Variants in ITGB6 observed in about 807,000 individuals in gnomAD.
The protein encoded by ITGB6 is integrin beta-6.
ITGB6 carries 80 observed loss-of-function variants against 84.5 expected under a neutral mutation model. The ratio of observed to expected loss-of-function variants is 0.95; its 90% CI spans 0.79 to 1.14. ITGB6 has a LOEUF of 1.14. ITGB6 is among the 50% of genes most tolerant of loss of function. ITGB6 has a pLI of 0.00. For synonymous variants in ITGB6, 383 were observed against 354.9 expected (o/e 1.08, Z -0.89); for missense variants, 1,006 against 968.0 (o/e 1.04, Z -0.52).
intron 7 of ITGB6, among the ~76,000 whole-genome samples, chr2:160,153,247 C>G (rs994308617): frequency 6.6e-6 from 1 of 152,166 alleles, no homozygotes; most frequent in South Asian, 2.1e-4. Flanking sequence ...GAGATATAGA[C>G]CAATGGAACT....
At chr2:160,113,731 A>T (rs1340124232) in intron 12 of ITGB6, among the ~76,000 whole-genome samples, 1 of 152,228 alleles carries the variant, frequency 6.6e-6, no homozygotes, top group Non-Finnish European at 1.5e-5. Flanking sequence ...AAGTATTTTT[A>T]AAAAGGAGAT....
At chr2:160,108,023 T>C (rs546325626) in intron 13 of ITGB6, among the ~76,000 whole-genome samples, 178 bp from the exon 14 acceptor site, 4 of 152,200 alleles carry the variant, frequency 2.6e-5, no homozygotes, top group African/African-American at 9.6e-5. Flanking sequence ...CCTGCATTCC[T>C]CAAAGTAGAA....
At position 160,123,780 on chromosome 2, in the gene ITGB6, A is replaced by G; in HGVS notation, c.1981+11T>C. On this transcript the variant is annotated intron_variant, in intron 12 of 14. Transcript: ENST00000283249. ...ATAAGGAAATGAAAAACAATTTAAG[A>G]CAAGCAGAACCTTCTTCTTCACTGA... 1 of 1,605,854 alleles carries G rather than the reference A, an allele frequency of 6.2e-7. No homozygotes were observed. The highest frequency in any genetic ancestry group is 8.5e-7 in the Non-Finnish European group (1 of 1,172,692).
intron 14 of ITGB6, among the ~76,000 whole-genome samples, chr2:160,104,615 G>A (rs547909996): frequency 2.0e-5 from 3 of 152,212 alleles, no homozygotes; most frequent in Admixed American, 6.5e-5. Flanking sequence ...CTTAATGATC[G>A]CCCAACTGCC....
chr2:160,162,497 G>A (rs1465165857), intron 7 of ITGB6, among the ~76,000 whole-genome samples: 1 of 152,008 alleles, frequency 6.6e-6, no homozygotes, highest in East Asian at 1.9e-4. Context: ...GACCAGAGTT[G>A]GGCAGTTACA....
At chr2:160,189,364 A>G (rs1304668891) in intron 4 of ITGB6, among the ~76,000 whole-genome samples, 4 of 152,236 alleles carry the variant, frequency 2.6e-5, no homozygotes, top group Non-Finnish European at 4.4e-5. Context: ...GGATCTAATT[A>G]AACTAAAGAA....
In ITGB6 at chr2:160,174,285, T is replaced by C. The variant is rs534910268; in HGVS notation, c.594-146A>G. 3.7e-4 allele frequency: 234 copies of C among 632,602 alleles called. 3 individuals carry two copies. The highest frequency in any genetic ancestry group is 3.6e-3 in the South Asian group (180 of 49,522). 39.2% of individuals were successfully genotyped at this position (632,602 alleles called of 1,614,324 possible). ...TGCAACTCAGCTATGAATCTCACTG[T>C]TAAGGTTGTTGACATCATCCCCAAC... is the stretch of plus-strand genomic sequence containing the variant. On this transcript the variant is annotated intron_variant, in intron 4 of 14. Transcript: ENST00000283249.
At chr2:160,103,758 C>G (rs1177187723) in intron 14 of ITGB6, among the ~76,000 whole-genome samples, 1 of 152,068 alleles carries the variant, frequency 6.6e-6, no homozygotes, top group African/African-American at 2.4e-5. Context: ...ACAGGGTAAG[C>G]CTGTCCTGGA....
chr2:160,196,987 A>T (rs796724699), intron 2 of ITGB6, among the ~76,000 whole-genome samples: 7 of 152,212 alleles, frequency 4.6e-5, no homozygotes, highest in African/African-American at 1.7e-4. Context: ...ACTCTCTGCC[A>T]GTTGTATGCA....
intron 7 of ITGB6, among the ~76,000 whole-genome samples, chr2:160,151,944 G>A (rs1310998853): frequency 6.6e-6 from 1 of 152,090 alleles, no homozygotes; most frequent in Non-Finnish European, 1.5e-5. Context: ...CCAAAATTGA[G>A]GCAATAATTA....
intron 4 of ITGB6, among the ~76,000 whole-genome samples, chr2:160,193,031 A>G (rs1686201534): frequency 6.6e-6 from 1 of 152,316 alleles, no homozygotes; most frequent in African/African-American, 2.4e-5. Context: ...CTGTCACACT[A>G]CTGAAGGAAA....
intron 8 of ITGB6, among the ~76,000 whole-genome samples, chr2:160,139,914 A>G (rs1461938349): frequency 2.0e-5 from 3 of 152,160 alleles, no homozygotes; most frequent in Admixed American, 1.3e-4. Context: ...ATAAGTACAC[A>G]TCGGTATTTA....
At chr2:160,156,832 C>T (rs1040689449) in intron 7 of ITGB6, among the ~76,000 whole-genome samples, 6 of 152,324 alleles carry the variant, frequency 3.9e-5, no homozygotes, top group Middle Eastern at 3.4e-3. Context: ...GATTTCTTAA[C>T]CACATCACTT....
chr2:160,130,783 T>C (rs945800580), intron 10 of ITGB6, among the ~76,000 whole-genome samples: 2 of 152,194 alleles, frequency 1.3e-5, no homozygotes, highest in African/African-American at 2.4e-5. Context: ...CATATTACAG[T>C]TGATTCTGGA....
At chr2:160,136,774 C>G (rs1559134684) in intron 10 of ITGB6, among the ~76,000 whole-genome samples, 1 of 151,966 alleles carries the variant, frequency 6.6e-6, no homozygotes, top group Non-Finnish European at 1.5e-5. Flanking sequence ...AGCTGGAAAC[C>G]ATCATTCTCA....
In ITGB6 at chr2:160,100,682, A is replaced by G. The variant is rs1477116610; in HGVS notation, c.*1054T>C. 1 of 152,212 alleles carries G rather than the reference A, an allele frequency of 6.6e-6. No homozygotes were observed. Among genetic ancestry groups the G allele is most frequent in the Non-Finnish European group, 1.5e-5 (1 of 68,020 alleles). 9.4% of individuals were successfully genotyped at this position (152,212 alleles called of 1,614,324 possible). A position where few individuals can be genotyped will look rare whatever the true frequency, so the allele number is the denominator to read the frequency against. On this transcript the variant is annotated 3_prime_UTR_variant, in exon 15 of 15. Transcript: ENST00000283249. ...TAAAATCTTACCTCTTAAAGTAAATATATGATGCATATTCACCACATGCAG... is the reference window on the plus strand; with the variant it reads ...TAAAATCTTACCTCTTAAAGTAAATGTATGATGCATATTCACCACATGCAG...
intron 12 of ITGB6, among the ~76,000 whole-genome samples, chr2:160,122,977 T>C (rs370805619): frequency 1.8e-4 from 27 of 152,362 alleles, no homozygotes; most frequent in African/African-American, 5.8e-4. Flanking sequence ...TACCCTGAGC[T>C]GCATGATAAT....
chr2:160,186,272 C>CAAAAA (rs200245831), intron 4 of ITGB6, among the ~76,000 whole-genome samples: 1 of 133,840 alleles, frequency 7.5e-6, no homozygotes. Context: ...AACAAATTTC[C>CAAAAA]AAAAAAAAAA....
intron 4 of ITGB6, among the ~76,000 whole-genome samples, chr2:160,176,777 T>C (rs1397840546): frequency 6.6e-6 from 1 of 152,162 alleles, no homozygotes; most frequent in Non-Finnish European, 1.5e-5. Context: ...ATAAGGCAGG[T>C]TCATTGAAGA....
Sources: allele counts gnomAD v4.1 joint callset (sites outside exome capture counted in the v4.1 genomes callset), GRCh38; gene constraint gnomAD v4.1.1; transcripts MANE v1.5; gene names NCBI Gene and HGNC (gene_info 2026-07-23, HGNC 2026-07-21).